The following SLC39A8 variants were observed in gnomAD, a reference collection of about 807,000 sequenced individuals.
SLC39A8 encodes the protein metal cation symporter ZIP8.
In SLC39A8, 15 loss-of-function variants were observed where a neutral mutation model predicts 40.4. The observed-to-expected ratio is 0.37, with a 90% CI of 0.25 to 0.57. The LOEUF (loss-of-function observed/expected upper bound fraction) is 0.57, where lower values mean the gene tolerates loss of function less well. Among genes scored for constraint, SLC39A8 ranks in the 20% least tolerant of loss-of-function variants. SLC39A8 has a pLI of 0.75. For synonymous variants in SLC39A8, 223 were observed against 221.6 expected (o/e 1.01, Z -0.06); for missense variants, 472 against 558.8 (o/e 0.84, Z 1.57).
At chr4:102,342,276 G>A (rs532626353) in intron 2 of SLC39A8, among the ~76,000 whole-genome samples, 4 of 152,314 alleles carry the variant, frequency 2.6e-5, no homozygotes, top group East Asian at 3.9e-4. Context: ...CGAGGCCGGC[G>A]GATCACCTGA....
intron 6 of SLC39A8, among the ~76,000 whole-genome samples, chr4:102,269,058 TC>T (rs1732233678): frequency 6.6e-6 from 1 of 152,152 alleles, no homozygotes; most frequent in African/African-American, 2.4e-5. Context: ...TGTAAAACAC[TC>T]TGTTGAATGC....
At chr4:102,263,260 G>A (rs1731949733) in intron 8 of SLC39A8, 67 bp from the exon 9 acceptor site, 2 of 1,391,492 alleles carry the variant, frequency 1.4e-6, no homozygotes. Flanking sequence ...CAGTCACTTA[G>A]AGGCATACCT....
In SLC39A8 at chr4:102,305,025, T is replaced by C; in HGVS notation, c.639A>G (p.Glu213=). 6.2e-7 allele frequency: 1 copy of C among 1,608,316 alleles called. No individual in the cohort carries two copies. ...FGGFYLLFFF[E]RMLKMLLKTY... is the part of the protein sequence containing the mutation. ...TCTTTAATAACATCTTTAGCATTCT[T>C]TCAAAAAAGAAAAGTAGGTAAAATC... is the stretch of plus-strand genomic sequence containing the variant. The change falls in exon 5 of 9, where the codon GAA becomes GAG. Residue 213 remains glutamate (E), a synonymous_variant. Transcript: ENST00000356736.
At chr4:102,277,965 C>T (rs1732696103) in intron 6 of SLC39A8, among the ~76,000 whole-genome samples, 1 of 152,190 alleles carries the variant, frequency 6.6e-6, no homozygotes, top group African/African-American at 2.4e-5. Context: ...CCCTTCCTTA[C>T]ACTTTATACA....
At chr4:102,253,231 C>T in exon 12 of SLC39A8, 1 of 414,232 alleles carries the variant, frequency 2.4e-6, no homozygotes, top group Non-Finnish European at 4.3e-6. Context: ...CTCCAGGTGT[C>T]ACACCTACAA....
At chr4:102,344,399 G>A (rs1736068298) in intron 2 of SLC39A8, 45 bp downstream of exon 2, 2 of 1,365,076 alleles carry the variant, frequency 1.5e-6, no homozygotes, top group Non-Finnish European at 1.9e-6. Flanking sequence ...GTGAAGTCTA[G>A]GGACACCCAC....
chr4:102,321,444 C>A (rs997444133), intron 2 of SLC39A8, among the ~76,000 whole-genome samples: 1 of 152,198 alleles, frequency 6.6e-6, no homozygotes, highest in Non-Finnish European at 1.5e-5. Flanking sequence ...TCTTCAGTTC[C>A]TGTGTTTGTG....
intron 6 of SLC39A8, among the ~76,000 whole-genome samples, chr4:102,275,804 T>C (rs1478718944): frequency 6.6e-6 from 1 of 152,100 alleles, no homozygotes; most frequent in Non-Finnish European, 1.5e-5. Context: ...CATAGTGCAA[T>C]CAAATTAGAA....
chr4:102,334,724 T>C (rs1735598219), intron 2 of SLC39A8, among the ~76,000 whole-genome samples: 1 of 152,214 alleles, frequency 6.6e-6, no homozygotes, highest in Non-Finnish European at 1.5e-5. Context: ...TGTGGGATGA[T>C]ACTCTTCAGC....
intron 2 of SLC39A8, among the ~76,000 whole-genome samples, chr4:102,324,483 T>C (rs944275730): frequency 2.7e-5 from 4 of 150,384 alleles, no homozygotes; most frequent in Non-Finnish European, 6.0e-5. Context: ...CTTTCTGCAC[T>C]TCATTTCTTT....
At chr4:102,286,880 A>G (rs1489805416) in intron 6 of SLC39A8, among the ~76,000 whole-genome samples, 1 of 152,172 alleles carries the variant, frequency 6.6e-6, no homozygotes. Flanking sequence ...AGAAATCATA[A>G]CTTATTACAG....
chr4:102,307,669 T>A, intron 3 of SLC39A8, 64 bp from the exon 4 acceptor site: 1 of 1,512,272 alleles, frequency 6.6e-7, no homozygotes, highest in Non-Finnish European at 9.0e-7. Context: ...GATGTTTTCC[T>A]GTACATTAAG....
At chr4:102,273,514 C>T (rs933749889) in intron 6 of SLC39A8, among the ~76,000 whole-genome samples, 3 of 152,150 alleles carry the variant, frequency 2.0e-5, no homozygotes, top group Admixed American at 6.5e-5. Flanking sequence ...TAGCTGTGGG[C>T]GCAGCTTCCG....
chr4:102,325,084 CAT>C (rs199999450), intron 2 of SLC39A8, among the ~76,000 whole-genome samples: 1,717 of 151,914 alleles, frequency 0.011, 19 homozygotes, highest in Non-Finnish European at 0.014. Flanking sequence ...CTTATATATA[CAT>C]ATATATATGT....
chr4:102,266,431 G>A (rs1348434579), intron 8 of SLC39A8, among the ~76,000 whole-genome samples: 1 of 152,164 alleles, frequency 6.6e-6, no homozygotes, highest in Non-Finnish European at 1.5e-5. Flanking sequence ...AATATAATTT[G>A]GAGGTAAGAA....
At chr4:102,260,130 G>C (rs1050868414), downstream of SLC39A8, among the ~76,000 whole-genome samples, 1 of 152,148 alleles carries the variant, frequency 6.6e-6, no homozygotes, top group African/African-American at 2.4e-5. Flanking sequence ...AAAGTGACAA[G>C]GGATTGATCT....
chr4:102,324,683 C>T (rs1452529999), intron 2 of SLC39A8, among the ~76,000 whole-genome samples: 1 of 152,122 alleles, frequency 6.6e-6, no homozygotes, highest in Non-Finnish European at 1.5e-5. Context: ...TTAATAAATA[C>T]TAAAGTAGAT....
intron 2 of SLC39A8, among the ~76,000 whole-genome samples, chr4:102,326,628 A>C (rs1735213767): frequency 6.6e-6 from 1 of 152,336 alleles, no homozygotes; most frequent in East Asian, 1.9e-4. Context: ...AAATATTTTC[A>C]AGTTTTCTTA....
chr4:102,312,018 T>G (rs190918420), intron 3 of SLC39A8, among the ~76,000 whole-genome samples: 52 of 152,210 alleles, frequency 3.4e-4, no homozygotes, highest in Admixed American at 6.5e-4. Flanking sequence ...ACATTCTTCT[T>G]CCTCTGTGCC....
Sources: gnomAD v4.1 joint callset for allele counts (sites outside exome capture counted in the v4.1 genomes callset) on GRCh38, gnomAD v4.1.1 for gene constraint, MANE v1.5 for transcripts, NCBI Gene and HGNC (gene_info 2026-07-23, HGNC 2026-07-21) for gene names.